GDAP2: variants seen among roughly 807,000 people sequenced by gnomAD.
The protein encoded by GDAP2 is ganglioside-induced differentiation-associated protein 2.
Under a neutral mutation model 67.0 loss-of-function variants are expected in GDAP2, and 51 were observed. The observed-to-expected ratio is 0.76, with a 90% CI of 0.61 to 0.96. The LOEUF (loss-of-function observed/expected upper bound fraction) is 0.96, where lower values mean the gene tolerates loss of function less well. GDAP2 is among the 40% of genes least tolerant of loss of function. GDAP2 has a pLI of 0.00. For synonymous variants in GDAP2, 203 were observed against 207.3 expected (o/e 0.98, Z 0.18); for missense variants, 547 against 588.3 (o/e 0.93, Z 0.73).
chr1:117,895,160 T>A (rs1056418520), intron 8 of GDAP2, among the ~76,000 whole-genome samples: 2 of 152,196 alleles, frequency 1.3e-5, no homozygotes, highest in Non-Finnish European at 2.9e-5. Flanking sequence ...GATTCTGCAT[T>A]ACAACTATGT....
intron 4 of GDAP2, 100 bp downstream of exon 4, chr1:117,912,430 G>A: frequency 9.6e-7 from 1 of 1,042,006 alleles, no homozygotes; most frequent in Non-Finnish European, 1.4e-6. Flanking sequence ...GACTTCCACT[G>A]CTAGGTTTTT....
At chr1:117,895,547 A>G (rs1398148040) in intron 8 of GDAP2, among the ~76,000 whole-genome samples, 1 of 152,208 alleles carries the variant, frequency 6.6e-6, no homozygotes, top group Non-Finnish European at 1.5e-5. Flanking sequence ...GAGACTCGAT[A>G]CTAAAGAAGT....
Position 117,870,622 on chromosome 1 carries a change from G to C in GDAP2, c.1447-6C>G. ...GTATAGTAAGGCCCGTTTTCCTGTG[G>C]AAAGAAAAAAGGAGAAGAACATTTA... On this transcript the variant is annotated splice_polypyrimidine_tract_variant and splice_region_variant and intron_variant, in intron 13 of 13. Transcript: ENST00000369443. 6.3e-7 allele frequency: 1 copy of C among 1,582,996 alleles called. No homozygotes were observed.
At chr1:117,897,058 G>A in intron 7 of GDAP2, 69 bp from the exon 8 acceptor site, 3 of 1,106,164 alleles carry the variant, frequency 2.7e-6, no homozygotes, top group Non-Finnish European at 1.3e-6. Context: ...TGTGAATGCT[G>A]CAGTAAGGAT....
At chr1:117,928,271 C>T (rs913899911) in intron 1 of GDAP2, among the ~76,000 whole-genome samples, 1 of 152,146 alleles carries the variant, frequency 6.6e-6, no homozygotes, top group Non-Finnish European at 1.5e-5. Flanking sequence ...TGAGAGAATT[C>T]GCATGTCTTG....
chr1:117,920,945 A>G (rs1039939378), intron 1 of GDAP2, among the ~76,000 whole-genome samples: 1 of 152,144 alleles, frequency 6.6e-6, no homozygotes, highest in African/African-American at 2.4e-5. Context: ...GGCAAAATAC[A>G]AAGGAAGGAT....
Position 117,865,165 on chromosome 1 carries a change from T to C in GDAP2, c.*5404A>G, listed in dbSNP as rs563833707. ...CACTAGTCCAGGTCTCCACAGAGAA[T>C]GTTGACTAAAATTCACTGAGTTTTT... On this transcript the variant is annotated 3_prime_UTR_variant, in exon 14 of 14. Transcript: ENST00000369443. 1.2e-4 allele frequency: 19 copies of C among 152,224 alleles called. No homozygotes were observed. The highest frequency in any genetic ancestry group is 1.5e-5 in the Non-Finnish European group (1 of 68,034). 9.4% of individuals were successfully genotyped at this position (152,224 alleles called of 1,614,324 possible). A position where few individuals can be genotyped will look rare whatever the true frequency, so the allele number is the denominator to read the frequency against.
intron 8 of GDAP2, among the ~76,000 whole-genome samples, chr1:117,888,254 G>A (rs888818783): frequency 1.3e-5 from 2 of 152,078 alleles, no homozygotes; most frequent in Non-Finnish European, 2.9e-5. Context: ...CACTTTTCAG[G>A]GGAAAAACAG....
Position 117,870,234 on chromosome 1 carries a change from T to C in GDAP2, c.*335A>G. ...AGCGTGCAATGTTAGAGAGATGATG[T>C]GAACAGTCTTGGTGGTTTATCTAAT... On this transcript the variant is annotated 3_prime_UTR_variant, in exon 14 of 14. Transcript: ENST00000369443. 3.1e-6 allele frequency: 1 copy of C among 318,212 alleles called. No homozygotes were observed. The allele number at this position is 318,212 out of a possible 1,614,324, so 19.7% of individuals were successfully genotyped here.
intron 8 of GDAP2, among the ~76,000 whole-genome samples, chr1:117,893,425 T>C (rs954181245): frequency 6.6e-6 from 1 of 152,220 alleles, no homozygotes; most frequent in South Asian, 2.1e-4. Context: ...GATACTGAGG[T>C]GACAAGGCAG....
At chr1:117,922,397 T>C (rs1650284354) in intron 1 of GDAP2, among the ~76,000 whole-genome samples, 1 of 152,178 alleles carries the variant, frequency 6.6e-6, no homozygotes, top group Non-Finnish European at 1.5e-5. Context: ...GAAGAAAACA[T>C]TTCAAGCAAT....
At chr1:117,927,385 G>C (rs1189170320) in intron 1 of GDAP2, among the ~76,000 whole-genome samples, 1 of 151,824 alleles carries the variant, frequency 6.6e-6, no homozygotes, top group Non-Finnish European at 1.5e-5. Context: ...CTTTTTTTCT[G>C]GATAGAAAGA....
Position 117,920,386 on chromosome 1 carries a change from C to T in GDAP2, c.-29G>A. On this transcript the variant is annotated 5_prime_UTR_variant, in exon 2 of 14. Coordinates refer to ENST00000369443, the MANE Select transcript of GDAP2 (RefSeq NM_017686.4). ...ATGGGAACTTTGATTTGTCTTTTCCCAAAATCCTCAGCAATTCAATATTCA... is the reference window on the plus strand; with the variant it reads ...ATGGGAACTTTGATTTGTCTTTTCCTAAAATCCTCAGCAATTCAATATTCA... The T allele has an allele frequency of 6.0e-6, 9 of 1,488,952 alleles. No individual in the cohort carries two copies. Among genetic ancestry groups the T allele is most frequent in the Non-Finnish European group, 8.3e-6 (9 of 1,085,118 alleles). 92.2% of individuals were successfully genotyped at this position (1,488,952 alleles called of 1,614,324 possible).
chr1:117,909,392 A>T (rs1185307832), intron 5 of GDAP2, among the ~76,000 whole-genome samples: 2 of 152,216 alleles, frequency 1.3e-5, no homozygotes, highest in Non-Finnish European at 1.5e-5. Flanking sequence ...ACTAAGAAAA[A>T]AAAAGCACGT....
intron 6 of GDAP2, among the ~76,000 whole-genome samples, chr1:117,904,049 T>C (rs887231583): frequency 2.6e-5 from 4 of 151,934 alleles, no homozygotes; most frequent in African/African-American, 9.7e-5. Context: ...GTCAGTGGCG[T>C]AATCTCAGCT....
Position 117,867,527 on chromosome 1 carries a change from G to GAA in GDAP2, c.*3040_*3041dup, listed in dbSNP as rs745964438. ...AACATGGTGAAACCCTGTCTCTACTGAAAAAAAAAAAAAAAAAAAAAAAAA... is the reference window on the plus strand; with the variant it reads ...AACATGGTGAAACCCTGTCTCTACTGAAAAAAAAAAAAAAAAAAAAAAAAAAA... On this transcript the variant is annotated 3_prime_UTR_variant, in exon 14 of 14. Coordinates refer to ENST00000369443, the MANE Select transcript of GDAP2 (RefSeq NM_017686.4). The GAA allele has an allele frequency of 6.7e-4, 54 of 80,112 alleles. No homozygotes were observed. The highest frequency in any genetic ancestry group is 8.3e-3 in the Middle Eastern group (1 of 120). 5.0% of individuals were successfully genotyped at this position (80,112 alleles called of 1,614,324 possible).
Position 117,914,990 on chromosome 1 carries a change from C to T in GDAP2, c.317-2307G>A, listed in dbSNP as rs370622544. 2.7e-4 allele frequency among the ~76,000 whole-genome samples: 41 copies of T among 152,114 alleles called. No homozygotes were observed. In the East Asian group the frequency reaches 3.7e-3, roughly 14 times the overall value. On this transcript the variant is annotated intron_variant, in intron 3 of 13. Coordinates refer to ENST00000369443, the MANE Select transcript of GDAP2 (RefSeq NM_017686.4). ...AAAAAAAAAAGTTCCAGAACAGTAA[C>T]TGTGCAGCAGGCACAGAGAACAGTC... is the stretch of plus-strand genomic sequence containing the variant.
chr1:117,912,170 A>C, intron 4 of GDAP2, 88 bp from the exon 5 acceptor site: 2 of 792,882 alleles, frequency 2.5e-6, no homozygotes, highest in Non-Finnish European at 4.4e-6. Flanking sequence ...AATCTAGCTC[A>C]ACTTCTCCTT....
At chr1:117,889,001 C>T (rs1648965493) in intron 8 of GDAP2, among the ~76,000 whole-genome samples, 1 of 152,162 alleles carries the variant, frequency 6.6e-6, no homozygotes, top group Non-Finnish European at 1.5e-5. Flanking sequence ...GTTCTATAGA[C>T]TGCCTTCTCA....
Sources: gnomAD v4.1 joint callset for allele counts (sites outside exome capture counted in the v4.1 genomes callset) on GRCh38, gnomAD v4.1.1 for gene constraint, MANE v1.5 for transcripts, NCBI Gene and HGNC (gene_info 2026-07-23, HGNC 2026-07-21) for gene names.